RTN4R: variants seen among roughly 807,000 people sequenced by gnomAD.
The protein encoded by RTN4R is reticulon 4 receptor, also known as reticulon-4 receptor.
In RTN4R, 4 loss-of-function variants were observed where a neutral mutation model predicts 27.7. That is an observed-to-expected ratio of 0.14 (90% CI 0.07 to 0.33). RTN4R has a LOEUF of 0.33. RTN4R is among the 10% of genes least tolerant of loss of function. The probability of loss-of-function intolerance (pLI) is 1.00; values close to 1 mark genes in which losing one functional copy is unlikely to be tolerated. For missense variants in RTN4R, 554 were observed against 671.5 expected, an observed-to-expected ratio of 0.83 and a Z score of 1.93; for synonymous variants, 290 against 305.6, an observed-to-expected ratio of 0.95 and a Z score of 0.53.
chr22:20,265,152 G>A (rs2051269994), intron 1 of RTN4R, among the ~76,000 whole-genome samples: 1 of 152,206 alleles, frequency 6.6e-6, no homozygotes, highest in Non-Finnish European at 1.5e-5. Flanking sequence ...GCACAGGGCC[G>A]TCCGTGCCAC....
In RTN4R at chr22:20,241,692, C is replaced by G. The variant is rs2051106694; in HGVS notation, c.*19G>C. 1 of 1,548,890 alleles carries G rather than the reference C, an allele frequency of 6.5e-7. No individual in the cohort carries two copies. Among genetic ancestry groups the G allele is most frequent in the African/African-American group, 1.4e-5 (1 of 73,122 alleles). The stretch of plus-strand genomic sequence containing the variant: ...TACACACACCTGGCTGCTGAGCACG[C>G]TCTTGTGTCCGCTGGGGGTCAGCAG... On this transcript the variant is annotated 3_prime_UTR_variant, in exon 2 of 2. Transcript: ENST00000043402.
At chr22:20,251,384 C>T (rs1042638394) in intron 1 of RTN4R, among the ~76,000 whole-genome samples, 1 of 152,120 alleles carries the variant, frequency 6.6e-6, no homozygotes, top group African/African-American at 2.4e-5. Flanking sequence ...ATGCCCTGGA[C>T]CACCCTCCAC....
At chr22:20,257,298 G>T (rs191004798) in intron 1 of RTN4R, among the ~76,000 whole-genome samples, 25 of 152,344 alleles carry the variant, frequency 1.6e-4, no homozygotes, top group Middle Eastern at 3.4e-3. Context: ...CCATGTCTGC[G>T]TCTCCCCCAG....
chr22:20,249,808 G>A lies in RTN4R; in HGVS notation c.23-6698C>T, dbSNP rs1015454701. Among the ~76,000 whole-genome samples the A allele has an allele frequency of 2.0e-5, 3 of 152,188 alleles. No homozygotes were observed. In the East Asian group the frequency reaches 5.8e-4, roughly 29 times the overall value. ...AACATGATCAACCAGGCAGGCGAGCGGCCTCTGTCCGAGCAGAATTTATTC... is the reference window on the plus strand; with the variant it reads ...AACATGATCAACCAGGCAGGCGAGCAGCCTCTGTCCGAGCAGAATTTATTC... On this transcript the variant is annotated intron_variant, in intron 1 of 1. Coordinates refer to ENST00000043402, the MANE Select transcript of RTN4R (RefSeq NM_023004.6).
At chr22:20,246,181 A>G (rs1365431178) in intron 1 of RTN4R, among the ~76,000 whole-genome samples, 1 of 152,098 alleles carries the variant, frequency 6.6e-6, no homozygotes, top group East Asian at 1.9e-4. Flanking sequence ...CAGTCAGGGG[A>G]GGGCTGGCTC....
chr22:20,254,895 G>C (rs976435712), intron 1 of RTN4R, among the ~76,000 whole-genome samples: 5 of 152,182 alleles, frequency 3.3e-5, no homozygotes, highest in African/African-American at 7.2e-5. Context: ...GAAAACAAAA[G>C]GCCATGAAAG....
At chr22:20,246,553 T>C (rs1191670637) in intron 1 of RTN4R, among the ~76,000 whole-genome samples, 3 of 152,060 alleles carry the variant, frequency 2.0e-5, no homozygotes, top group Non-Finnish European at 2.9e-5. Flanking sequence ...TGCCCAGCCA[T>C]TGGGCAGGCA....
At chr22:20,267,106 C>T (rs1319445317) in intron 1 of RTN4R, among the ~76,000 whole-genome samples, 2 of 152,362 alleles carry the variant, frequency 1.3e-5, no homozygotes, top group Non-Finnish European at 2.9e-5. Context: ...GGTGTGCAGG[C>T]GGGGGCGAGG....
chr22:20,267,008 C>G (rs1415468748), intron 1 of RTN4R, among the ~76,000 whole-genome samples: 1 of 152,196 alleles, frequency 6.6e-6, no homozygotes, highest in Non-Finnish European at 1.5e-5. Context: ...CATGTGGGTG[C>G]GGGAGTGGTT....
chr22:20,243,221 G>T, intron 1 of RTN4R, 111 bp from the exon 2 acceptor site: 2 of 1,124,736 alleles, frequency 1.8e-6, no homozygotes, highest in Non-Finnish European at 2.5e-6. Flanking sequence ...AGGACCTGGG[G>T]CTGGGTCCAA....
intron 1 of RTN4R, among the ~76,000 whole-genome samples, chr22:20,248,319 C>T (rs1336486134): frequency 2.6e-5 from 4 of 152,130 alleles, no homozygotes; most frequent in African/African-American, 7.2e-5. Flanking sequence ...CCCAGGGGTG[C>T]GAAAAGGTCT....
In RTN4R at chr22:20,268,276, G is replaced by A. The variant is rs1319410110; in HGVS notation, c.-184C>T. 2.0e-5 allele frequency: 3 copies of A among 151,234 alleles called. No homozygotes were observed. The highest frequency in any genetic ancestry group is 7.4e-5 in the African/African-American group (3 of 40,690). 9.4% of individuals were successfully genotyped at this position (151,234 alleles called of 1,614,324 possible). A position where few individuals can be genotyped will look rare whatever the true frequency, so the allele number is the denominator to read the frequency against. ...CTGGGCTCGGGCCGCGGGTGCGCAG[G>A]GCGCGCAGGGCGCACAGGGCGAGGG... On this transcript the variant is annotated 5_prime_UTR_variant, in exon 1 of 2. Transcript: ENST00000043402.
At chr22:20,254,274 A>G (rs1447051795) in intron 1 of RTN4R, among the ~76,000 whole-genome samples, 2 of 151,770 alleles carry the variant, frequency 1.3e-5, no homozygotes, top group Admixed American at 6.6e-5. Context: ...ACAAAAAATT[A>G]AAAAGTTAGC....
At chr22:20,259,369 G>C (rs1329148285) in intron 1 of RTN4R, among the ~76,000 whole-genome samples, 1 of 152,212 alleles carries the variant, frequency 6.6e-6, no homozygotes, top group East Asian at 1.9e-4. Flanking sequence ...TGTCACACCT[G>C]TCCCTGTGTC....
chr22:20,266,552 C>T (rs2145987907), intron 1 of RTN4R, among the ~76,000 whole-genome samples: 1 of 152,318 alleles, frequency 6.6e-6, no homozygotes, highest in South Asian at 2.1e-4. Flanking sequence ...ACCAAGGGTG[C>T]CCAGGGTCTG....
chr22:20,260,504 C>A (rs1006861394), intron 1 of RTN4R, among the ~76,000 whole-genome samples: 2 of 152,168 alleles, frequency 1.3e-5, no homozygotes, highest in South Asian at 4.1e-4. Flanking sequence ...GGAGCACCAG[C>A]GCAGCACATC....
rs752184018 is a variant in RTN4R, at chr22:20,242,117, T to C, written c.1016A>G (p.Asp339Gly). 37 of 1,612,148 alleles carry C rather than the reference T, an allele frequency of 2.3e-5. No homozygotes were observed. The highest frequency in any genetic ancestry group is 3.1e-5 in the Non-Finnish European group (36 of 1,179,444). Reference protein sequence around the residue: ...PLGLPKCCQPDAADKASVLEP... With the variant: ...PLGLPKCCQPGAADKASVLEP... ...CAGTACTGAGGCCTTGTCAGCGGCATCTGGCTGGCAGCACTTGGGAAGCCC... is the reference window on the plus strand; with the variant it reads ...CAGTACTGAGGCCTTGTCAGCGGCACCTGGCTGGCAGCACTTGGGAAGCCC... Residue 339 changes from aspartate to glycine, a missense_variant, in exon 2 of 2, where the codon GAT becomes GGT. Physicochemically the swap from Asp to Gly is moderately conservative, Grantham distance 94. This residue lies in a region of RTN4R where 413 missense variants were observed against 542.3 expected (regional missense o/e 0.76). Coordinates refer to ENST00000043402, the MANE Select transcript of RTN4R (RefSeq NM_023004.6).
rs763373737 is a variant in RTN4R, at chr22:20,241,767, T to C, written c.1366A>G (p.Ser456Gly). 6.4e-7 allele frequency: 1 copy of C among 1,554,420 alleles called. No homozygotes were observed. The highest frequency in any genetic ancestry group is 1.2e-5 in the South Asian group (1 of 84,616). ...AGCGCCAGGCCCAGGGGGGTGAGGC[T>C]GCAGGTGAGGCTGGGTAGGGCACCT... ...GSGALPSLTC[S>G]LTPLGLALVL... The change falls in exon 2 of 2, where the codon AGC becomes GGC. Residue 456 changes from serine to glycine, a missense_variant. This residue lies in a region of RTN4R where 141 missense variants were observed against 129.2 expected (regional missense o/e 1.09). Coordinates refer to ENST00000043402, the MANE Select transcript of RTN4R (RefSeq NM_023004.6).
intron 1 of RTN4R, among the ~76,000 whole-genome samples, chr22:20,244,015 A>G (rs1477058576): frequency 1.3e-5 from 2 of 152,174 alleles, no homozygotes; most frequent in African/African-American, 4.8e-5. Flanking sequence ...CCCACTCCGG[A>G]GTAAGCTTTC....
Sources: allele counts gnomAD v4.1 joint callset (sites outside exome capture counted in the v4.1 genomes callset), GRCh38; gene constraint gnomAD v4.1.1; regional missense constraint gnomAD v4.1.1; transcripts MANE v1.5; gene names NCBI Gene and HGNC (gene_info 2026-07-23, HGNC 2026-07-21).